RBAK: variants seen among roughly 807,000 people sequenced by gnomAD.
RBAK encodes the protein RB-associated KRAB zinc finger protein.
In RBAK, 39 loss-of-function variants were observed where a neutral mutation model predicts 65.8. The observed-to-expected ratio is 0.59, with a 90% confidence interval of 0.46 to 0.77. The LOEUF (loss-of-function observed/expected upper bound fraction) is 0.77, where lower values mean the gene tolerates loss of function less well. Among genes scored for constraint, RBAK ranks in the 30% least tolerant of loss-of-function variants. The pLI is 0.00. For missense variants in RBAK, 884 were observed against 855.1 expected, an observed-to-expected ratio of 1.03 and a Z score of -0.42; for synonymous variants, 343 against 289.7, an observed-to-expected ratio of 1.18 and a Z score of -1.87.
chr7:5,052,939 T>A (rs1341944422), intron 2 of RBAK, among the ~76,000 whole-genome samples: 1 of 152,102 alleles, frequency 6.6e-6, no homozygotes, highest in Non-Finnish European at 1.5e-5. Context: ...TTGGTATTTT[T>A]AGTAGAGATG....
intron 2 of RBAK, among the ~76,000 whole-genome samples, chr7:5,056,705 G>A (rs1412496658): frequency 3.3e-5 from 5 of 152,090 alleles, no homozygotes; most frequent in Admixed American, 2.6e-4. Context: ...ATAAAACTCA[G>A]CCATGCAGAT....
intron 4 of RBAK, among the ~76,000 whole-genome samples, chr7:5,058,200 A>T (rs1292326545): frequency 2.6e-5 from 4 of 151,934 alleles, no homozygotes; most frequent in African/African-American, 9.7e-5. Context: ...TCAGCCTCCC[A>T]AGTAGCTGGG....
At position 5,046,264 on chromosome 7, in the gene RBAK, G is replaced by T. The variant is rs759479005; in HGVS notation, c.-177G>T. The T allele has an allele frequency of 6.6e-5, 34 of 515,814 alleles. No homozygotes were observed. The highest frequency in any genetic ancestry group is 1.0e-4 in the Non-Finnish European group (27 of 259,408). The allele number at this position is 515,814 out of a possible 1,614,324, so 32.0% of individuals were successfully genotyped here. On this transcript the variant is annotated 5_prime_UTR_variant, in exon 1 of 5. Transcript: ENST00000396912. The stretch of plus-strand genomic sequence containing the variant: ...TGGATTTGCCCCTTAGGCCCGGCCC[G>T]GGCCCCTCGGGAGCAGAACAACCTT...
In RBAK at chr7:5,068,086, A is replaced by G. The variant is rs1433492107; in HGVS notation, c.*2485A>G. The G allele has an allele frequency of 6.6e-6, 1 of 152,198 alleles. No homozygotes were observed. Among genetic ancestry groups the G allele is most frequent in the Non-Finnish European group, 1.5e-5 (1 of 68,038 alleles). The allele number at this position is 152,198 out of a possible 1,614,324, so 9.4% of individuals were successfully genotyped here. ...CCACCAGTAAGAAAATGAACAGGAA[A>G]TCATGGGGAGGAGAAGATATTTGCA... On this transcript the variant is annotated 3_prime_UTR_variant, in exon 5 of 5. Coordinates refer to ENST00000396912, the MANE Select transcript of RBAK (RefSeq NM_021163.4).
Position 5,063,723 on chromosome 7 carries a change from G to A in RBAK, c.267G>A (p.Glu89=), listed in dbSNP as rs764338049. 6 of 1,611,252 alleles carry A rather than the reference G, an allele frequency of 3.7e-6. No individual in the cohort carries two copies. Among genetic ancestry groups the A allele is most frequent in the Non-Finnish European group, 5.1e-6 (6 of 1,179,082 alleles). Reference sequence around the variant, plus strand: ...CCTGGAGAGTTGATGACCTGATAGAGAGAATCCAAGAAAACGAAGACAAAC... The same window carrying A: ...CCTGGAGAGTTGATGACCTGATAGAAAGAATCCAAGAAAACGAAGACAAAC... The part of the protein sequence containing the change: ...PEAWRVDDLI[E]RIQENEDKHS... Residue 89 remains glutamate, a synonymous_variant, in exon 5 of 5, where the codon GAG becomes GAA. Transcript: ENST00000396912.
chr7:5,058,062 GGTTTGTTT>G (rs71535174), intron 4 of RBAK, among the ~76,000 whole-genome samples: 2,201 of 150,596 alleles, frequency 0.015, 51 homozygotes, highest in African/African-American at 0.051. Flanking sequence ...AATTGTTTTG[GGTTTGTTT>G]GTTTGTTTGT....
chr7:5,057,081 A>G (rs1778936814), intron 2 of RBAK: 2 of 204,824 alleles, frequency 9.8e-6, no homozygotes, highest in Non-Finnish European at 1.7e-5. Context: ...TATTTTTTAT[A>G]TATATTATAT....
chr7:5,053,907 T>C (rs1431678044), intron 2 of RBAK, among the ~76,000 whole-genome samples: 3 of 152,152 alleles, frequency 2.0e-5, no homozygotes, highest in African/African-American at 7.2e-5. Flanking sequence ...TCTGGGCCAG[T>C]TTTGATGGAC....
chr7:5,063,749 A>G lies in RBAK; in HGVS notation c.293A>G (p.His98Arg), dbSNP rs1779139341. 4 of 1,613,324 alleles carry G rather than the reference A, an allele frequency of 2.5e-6. No individual in the cohort carries two copies. The highest frequency in any genetic ancestry group is 1.7e-5 in the Admixed American group (1 of 59,894). Residue 98 changes from histidine to arginine, a missense_variant, in exon 5 of 5, where the codon CAT becomes CGT. Transcript: ENST00000396912. ...IERIQENEDK[H>R]SRQAACINSK... ...AGAATCCAAGAAAACGAAGACAAAC[A>G]TTCAAGGCAAGCTGCTTGTATCAAT... is the stretch of plus-strand genomic sequence containing the variant.
Position 5,068,818 on chromosome 7 carries a change from C to G in RBAK, c.*3217C>G, listed in dbSNP as rs1389371043. 1 of 152,126 alleles carries G rather than the reference C, an allele frequency of 6.6e-6. No individual in the cohort carries two copies. Among genetic ancestry groups the G allele is most frequent in the Non-Finnish European group, 1.5e-5 (1 of 68,026 alleles). 9.4% of individuals were successfully genotyped at this position (152,126 alleles called of 1,614,324 possible). On this transcript the variant is annotated 3_prime_UTR_variant, in exon 5 of 5. Transcript: ENST00000396912. ...GAATGAATAAAGAAGTGGCATATGT[C>G]CATGGAATACTGTAAAACAGTGAGC...
intron 4 of RBAK, 139 bp from the exon 5 acceptor site, chr7:5,063,556 C>T: frequency 1.8e-6 from 1 of 550,854 alleles, no homozygotes; most frequent in South Asian, 2.4e-5. Context: ...GAGAACTATG[C>T]ATTTGTAATT....
rs769751217 is a variant in RBAK at position 5,046,324 on chromosome 7, C to G, written c.-117C>G. 3.3e-5 allele frequency: 17 copies of G among 515,616 alleles called. No individual in the cohort carries two copies. Among genetic ancestry groups the G allele is most frequent in the Non-Finnish European group, 4.6e-5 (12 of 259,306 alleles). The allele number at this position is 515,616 out of a possible 1,614,324, so 31.9% of individuals were successfully genotyped here. Reference sequence around the variant, plus strand: ...GACAGGAGGGGACCTCGCGAGCAGACGCGCGCCAGCGACAGCAGCCCCGCC... The same window carrying G: ...GACAGGAGGGGACCTCGCGAGCAGAGGCGCGCCAGCGACAGCAGCCCCGCC... On this transcript the variant is annotated 5_prime_UTR_variant, in exon 1 of 5. Coordinates refer to ENST00000396912, the MANE Select transcript of RBAK (RefSeq NM_021163.4).
chr7:5,047,601 C>CTT (rs1037439035), intron 1 of RBAK, among the ~76,000 whole-genome samples: 4,514 of 100,642 alleles, frequency 0.045, 822 homozygotes, highest in African/African-American at 0.08. Context: ...TTTTCACTCT[C>CTT]TTTTTTTTTT....
At chr7:5,062,146 C>T (rs886127375) in intron 4 of RBAK, among the ~76,000 whole-genome samples, 2 of 152,100 alleles carry the variant, frequency 1.3e-5, no homozygotes, top group Admixed American at 1.3e-4. Flanking sequence ...TAGATGTCTC[C>T]CACATGTAAT....
At chr7:5,049,919 A>G (rs1583452493) in intron 2 of RBAK, among the ~76,000 whole-genome samples, 1 of 151,876 alleles carries the variant, frequency 6.6e-6, no homozygotes, top group East Asian at 1.9e-4. Flanking sequence ...GGGTTTCACC[A>G]TGTCACCCAG....
At position 5,067,441 on chromosome 7, in the gene RBAK, G is replaced by A. The variant is rs1161347124; in HGVS notation, c.*1840G>A. On this transcript the variant is annotated 3_prime_UTR_variant, in exon 5 of 5. Coordinates refer to ENST00000396912, the MANE Select transcript of RBAK (RefSeq NM_021163.4). ...CTAGAGGGAGAAAATGAGTTAATAT[G>A]CTTTGAAGAACTGTATCCAGAAAAT... 2 of 152,138 alleles carry A rather than the reference G, an allele frequency of 1.3e-5. No homozygotes were observed. Among genetic ancestry groups the A allele is most frequent in the African/African-American group, 4.8e-5 (2 of 41,440 alleles). The allele number at this position is 152,138 out of a possible 1,614,324, so 9.4% of individuals were successfully genotyped here. A position where few individuals can be genotyped will look rare whatever the true frequency, so the allele number is the denominator to read the frequency against.
In RBAK at chr7:5,068,301, C is replaced by T. The variant is rs1779269952; in HGVS notation, c.*2700C>T. 6.6e-6 allele frequency: 1 copy of T among 152,122 alleles called. No homozygotes were observed. The highest frequency in any genetic ancestry group is 2.1e-4 in the South Asian group (1 of 4,822). The allele number at this position is 152,122 out of a possible 1,614,324, so 9.4% of individuals were successfully genotyped here. A position where few individuals can be genotyped will look rare whatever the true frequency, so the allele number is the denominator to read the frequency against. Reference sequence around the variant, plus strand: ...GCTTCCCAGTAAAACCATTCACAATCCCAGGTGGCAGTCTGGATTTGGTCT... The same window carrying T: ...GCTTCCCAGTAAAACCATTCACAATTCCAGGTGGCAGTCTGGATTTGGTCT... On this transcript the variant is annotated 3_prime_UTR_variant, in exon 5 of 5. Coordinates refer to ENST00000396912, the MANE Select transcript of RBAK (RefSeq NM_021163.4).
chr7:5,063,667 A>C (rs1232119872), intron 4 of RBAK, 28 bp from the exon 5 acceptor site: 2 of 1,516,018 alleles, frequency 1.3e-6, no homozygotes, highest in Admixed American at 4.2e-5. Flanking sequence ...CAGATTTACA[A>C]AGTTTGTTTA....
chr7:5,048,000 C>T (rs1788031345), intron 1 of RBAK, 33 bp from the exon 2 acceptor site: 1 of 1,216,130 alleles, frequency 8.2e-7, no homozygotes, highest in Non-Finnish European at 1.2e-6. Context: ...CCAGAGCACT[C>T]ATGACTTCAG....
Sources: allele counts gnomAD v4.1 joint callset (sites outside exome capture counted in the v4.1 genomes callset), GRCh38; gene constraint gnomAD v4.1.1; transcripts MANE v1.5; gene names NCBI Gene and HGNC (gene_info 2026-07-23, HGNC 2026-07-21).